The following LRRC28 variants were observed in gnomAD, a reference collection of about 807,000 sequenced individuals.
LRRC28 encodes the protein leucine-rich repeat-containing protein 28.
LRRC28 carries 39 observed loss-of-function variants against 45.7 expected under a neutral mutation model. The observed-to-expected ratio is 0.85, with a 90% CI of 0.66 to 1.12. The LOEUF is 1.12. LRRC28 is among the 50% of genes most tolerant of loss of function. LRRC28 has a pLI of 0.00. For synonymous variants in LRRC28, 206 were observed against 178.8 expected, an observed-to-expected ratio of 1.15 and a Z score of -1.22; for missense variants, 435 against 438.5, an observed-to-expected ratio of 0.99 and a Z score of 0.07.
intron 9 of LRRC28, among the ~76,000 whole-genome samples, chr15:99,365,771 A>C (rs183021794): frequency 5.9e-5 from 9 of 152,334 alleles, no homozygotes; most frequent in Admixed American, 5.2e-4. Flanking sequence ...ATTCAGTGGA[A>C]GTGTTAGTTT....
intron 5 of LRRC28, among the ~76,000 whole-genome samples, chr15:99,297,678 A>G (rs1312958719): frequency 2.0e-5 from 3 of 151,114 alleles, no homozygotes; most frequent in African/African-American, 7.3e-5. Context: ...ATATATTAAT[A>G]ACTTTATAAT....
rs200372807 is a variant in LRRC28, at chr15:99,255,934, G to A, written c.-24G>A. 2.8e-5 allele frequency: 45 copies of A among 1,606,974 alleles called. No homozygotes were observed. Among genetic ancestry groups the A allele is most frequent in the African/African-American group, 4.0e-5 (3 of 74,584 alleles). On this transcript the variant is annotated 5_prime_UTR_variant, in exon 2 of 10. The change creates a new upstream start codon in the 5' untranslated region. Coordinates refer to ENST00000301981, the MANE Select transcript of LRRC28 (RefSeq NM_144598.5). Reference sequence around the variant, plus strand: ...TTTTGACAAGATATAGTGCTGCAGCGTGCCTGATGGGATATATTCAGTCAT... The same window carrying A: ...TTTTGACAAGATATAGTGCTGCAGCATGCCTGATGGGATATATTCAGTCAT...
chr15:99,352,333 T>C (rs1246434150), intron 6 of LRRC28, 36 bp from the exon 7 acceptor site: 2 of 1,343,176 alleles, frequency 1.5e-6, no homozygotes, highest in Non-Finnish European at 1.1e-6. Context: ...ATGGTGCCTG[T>C]ATATAGGAAT....
At chr15:99,344,457 G>A (rs1956618379) in intron 6 of LRRC28, among the ~76,000 whole-genome samples, 1 of 152,142 alleles carries the variant, frequency 6.6e-6, no homozygotes, top group Non-Finnish European at 1.5e-5. Context: ...ATGTCCATGA[G>A]GCATTATGCT....
At chr15:99,361,542 C>T in intron 8 of LRRC28, 31 bp downstream of exon 8, 1 of 1,550,862 alleles carries the variant, frequency 6.4e-7, no homozygotes, top group Non-Finnish European at 8.7e-7. Flanking sequence ...TCTTATTTTT[C>T]TCTCTCATTT....
At chr15:99,350,142 CAAAAAAAA>C (rs71149462) in intron 6 of LRRC28, among the ~76,000 whole-genome samples, 1 of 97,890 alleles carries the variant, frequency 1.0e-5, no homozygotes, top group Non-Finnish European at 2.0e-5. Flanking sequence ...GACTCCGTCT[CAAAAAAAA>C]AAAAAAAAAG....
intron 1 of LRRC28, 163 bp downstream of exon 1, chr15:99,251,704 C>T (rs537550133): frequency 3.9e-5 from 6 of 152,362 alleles, no homozygotes; most frequent in East Asian, 1.9e-4. Flanking sequence ...CTGCCGGGTC[C>T]TCCTCCCACT....
At chr15:99,288,042 A>G (rs903474842) in intron 5 of LRRC28, 91 bp downstream of exon 5, 7 of 1,240,728 alleles carry the variant, frequency 5.6e-6, no homozygotes, top group African/African-American at 4.6e-5. Flanking sequence ...TGAGCTGTAG[A>G]TGTATTTATA....
chr15:99,350,327 T>C (rs1206668051), intron 6 of LRRC28, among the ~76,000 whole-genome samples: 1 of 152,084 alleles, frequency 6.6e-6, no homozygotes, highest in East Asian at 1.9e-4. Context: ...TGGTTCCTTT[T>C]TGTAACTGGG....
At chr15:99,357,596 T>C (rs1567694199) in intron 7 of LRRC28, among the ~76,000 whole-genome samples, 1 of 152,228 alleles carries the variant, frequency 6.6e-6, no homozygotes, top group African/African-American at 2.4e-5. Context: ...CAAGGTGGTC[T>C]TCTGAGGTTC....
rs1234431023 is a variant in LRRC28 at position 99,251,527 on chromosome 15, T to TCTGCTGGCG, written c.-71_-63dup. ...GCCGCTTGCGCTCCGGAGCGCTGGC[T>TCTGCTGGCG]CTGCTGGCGCTGAGGTGAGTAGAGC... is the stretch of plus-strand genomic sequence containing the variant. On this transcript the variant is annotated 5_prime_UTR_variant, in exon 1 of 10. Transcript: ENST00000301981. 3 of 150,364 alleles carry TCTGCTGGCG rather than the reference T, an allele frequency of 2.0e-5. No individual in the cohort carries two copies. Among genetic ancestry groups the TCTGCTGGCG allele is most frequent in the Admixed American group, 1.3e-4 (2 of 15,122 alleles). 9.3% of individuals were successfully genotyped at this position (150,364 alleles called of 1,614,324 possible).
intron 5 of LRRC28, among the ~76,000 whole-genome samples, chr15:99,316,367 T>G (rs956110852): frequency 6.6e-6 from 1 of 152,226 alleles, no homozygotes; most frequent in Admixed American, 6.5e-5. Context: ...TTAATTTTAT[T>G]TACTCTAGCA....
intron 5 of LRRC28, among the ~76,000 whole-genome samples, chr15:99,307,416 G>C (rs1204695796): frequency 6.6e-6 from 1 of 152,232 alleles, no homozygotes; most frequent in East Asian, 1.9e-4. Context: ...CTTAACTGAA[G>C]TGGTCAGAAC....
intron 9 of LRRC28, among the ~76,000 whole-genome samples, chr15:99,370,125 C>T (rs924353902): frequency 6.6e-6 from 1 of 152,190 alleles, no homozygotes; most frequent in Admixed American, 6.5e-5. Context: ...AGATTGCAAA[C>T]TGGGCCAAGG....
intron 5 of LRRC28, among the ~76,000 whole-genome samples, chr15:99,304,071 T>C (rs1955087899): frequency 6.6e-6 from 1 of 152,222 alleles, no homozygotes; most frequent in South Asian, 2.1e-4. Flanking sequence ...CTCTGACCTG[T>C]GGGCCAAGTC....
chr15:99,352,244 C>A, intron 6 of LRRC28, 125 bp from the exon 7 acceptor site: 1 of 696,616 alleles, frequency 1.4e-6, no homozygotes, highest in Non-Finnish European at 2.3e-6. Context: ...TTATATAACA[C>A]TTTTTATGGT....
At chr15:99,282,176 G>GTTTTTTTTTTTTTTTTTTTTTTTT (rs1476287973) in intron 3 of LRRC28, among the ~76,000 whole-genome samples, 2 of 33,886 alleles carry the variant, frequency 5.9e-5, no homozygotes, top group Admixed American at 2.8e-4. Context: ...AATTTTTGGA[G>GTTTTTTTTTTTTTTTTTTTTTTTT]GTTTTTTTTT....
rs184619282 is a variant in LRRC28, at chr15:99,262,272, A to G, written c.168+6147A>G. Among the ~76,000 whole-genome samples, 13 of 152,218 alleles carry G rather than the reference A, an allele frequency of 8.5e-5. No individual in the cohort carries two copies. In the South Asian group the frequency reaches 2.7e-3, roughly 32 times the overall value. Reference sequence around the variant, plus strand: ...GTAGGATTGCTGGTCTAAAGGGTAGACATGTTTCATAATTCAGAATACTTT... The same window carrying G: ...GTAGGATTGCTGGTCTAAAGGGTAGGCATGTTTCATAATTCAGAATACTTT... On this transcript the variant is annotated intron_variant, in intron 2 of 9. Transcript: ENST00000301981.
intron 6 of LRRC28, among the ~76,000 whole-genome samples, chr15:99,334,715 A>T (rs1355966200): frequency 6.6e-6 from 1 of 152,180 alleles, no homozygotes; most frequent in Non-Finnish European, 1.5e-5. Context: ...CCTTGAATAA[A>T]ACAGTACATT....
Sources: allele counts gnomAD v4.1 joint callset (sites outside exome capture counted in the v4.1 genomes callset), GRCh38; gene constraint gnomAD v4.1.1; transcripts MANE v1.5; gene names NCBI Gene and HGNC (gene_info 2026-07-23, HGNC 2026-07-21).